The following LRP5 variants were observed in gnomAD, a reference collection of about 807,000 sequenced individuals.
LRP5 encodes low-density lipoprotein receptor-related protein 5.
Under a neutral mutation model 154.1 loss-of-function variants are expected in LRP5, and 62 were observed. The observed-to-expected ratio is 0.40, with a 90% CI of 0.33 to 0.50. LRP5 has a LOEUF of 0.50. Ranked by LOEUF, LRP5 falls within the 20% of genes least tolerant of loss-of-function variation. The pLI, the probability that LRP5 is intolerant of heterozygous loss-of-function variation, is 0.55. For synonymous variants in LRP5, 966 were observed against 1,011.5 expected (o/e 0.96, Z 0.85); for missense variants, 1,915 against 2,336.7 (o/e 0.82, Z 3.72).
At position 68,423,085 on chromosome 11, in the gene LRP5, G is replaced by A. The variant is rs1245668797; in HGVS notation, c.3028-404G>A. Among the ~76,000 whole-genome samples the A allele has an allele frequency of 6.6e-6, 1 of 152,190 alleles. No individual in the cohort carries two copies. Among genetic ancestry groups the A allele is most frequent in the Non-Finnish European group, 1.5e-5 (1 of 68,036 alleles). ...TGTTGGGAAGGGCCCCATGGTCTTG[G>A]ATCCCTTCTCGACTGTCAATGGGGC... On this transcript the variant is annotated intron_variant, in intron 13 of 22. Transcript: ENST00000294304. This position sits in a 1 kb window ranked among gnomAD's most constrained non-coding sequence, Gnocchi z 4.7.
intron 5 of LRP5, among the ~76,000 whole-genome samples, chr11:68,378,524 TCCCAC>T (rs2098638638): frequency 5.2e-4 from 1 of 1,916 alleles, no homozygotes; most frequent in African/African-American, 1.5e-3. Flanking sequence ...CTGACCCACC[TCCCAC>T]CTCCCTTAGA....
intron 5 of LRP5, among the ~76,000 whole-genome samples, chr11:68,377,733 A>G (rs1289890371): frequency 6.6e-6 from 1 of 152,148 alleles, no homozygotes; most frequent in Non-Finnish European, 1.5e-5. Flanking sequence ...CAGGCCCAGG[A>G]GGTGGCTCAA....
At chr11:68,300,443 G>A in the LRP5 span, among the ~76,000 whole-genome samples, 3 of 149,314 alleles carry the variant, frequency 2.0e-5, 1 homozygote, top group African/African-American at 7.3e-5. Context: ...ATTAAGGTGG[G>A]ACATTCTGCC....
chr11:68,425,912 C>G lies in LRP5; in HGVS notation c.3428-66C>G. ...GCAGTCCTGTCAACCTCTGTCCTCCCAAGCTGAGTGTGGGGCAAGTTCTGG... is the reference window on the plus strand; with the variant it reads ...GCAGTCCTGTCAACCTCTGTCCTCCGAAGCTGAGTGTGGGGCAAGTTCTGG... On this transcript the variant is annotated intron_variant, in intron 15 of 22. Transcript: ENST00000294304. The G allele has an allele frequency of 2.1e-6, 3 of 1,427,874 alleles. No homozygotes were observed. The South Asian group carries it at 3.4e-5, about 16-fold the overall frequency. The allele number at this position is 1,427,874 out of a possible 1,614,324, so 88.5% of individuals were successfully genotyped here. A position where few individuals can be genotyped will look rare whatever the true frequency, so the allele number is the denominator to read the frequency against.
intron 1 of LRP5, among the ~76,000 whole-genome samples, chr11:68,331,331 G>A (rs7948226): frequency 0.091 from 13,881 of 152,280 alleles, 674 homozygotes; most frequent in African/African-American, 0.11. Context: ...TCCTTTGCTT[G>A]TCTCCCAGGA....
intron 6 of LRP5, among the ~76,000 whole-genome samples, chr11:68,387,912 C>G (rs1180610536): frequency 6.6e-6 from 1 of 152,190 alleles, no homozygotes; most frequent in Non-Finnish European, 1.5e-5. Context: ...CGGGCAGCGG[C>G]GGGCAGAGGA....
At chr11:68,321,494 C>T (rs773914157) in intron 1 of LRP5, among the ~76,000 whole-genome samples, 2 of 152,042 alleles carry the variant, frequency 1.3e-5, no homozygotes, top group African/African-American at 2.4e-5. Context: ...AAATGGCCTC[C>T]GATGAGCTGG....
At chr11:68,376,638 AG>A (rs1438539910) in intron 5 of LRP5, among the ~76,000 whole-genome samples, 1 of 152,098 alleles carries the variant, frequency 6.6e-6, no homozygotes, top group Non-Finnish European at 1.5e-5. Flanking sequence ...GGCCTTGCGG[AG>A]GGGCGCAGCC....
chr11:68,421,080 A>G (rs1164429177), intron 13 of LRP5, among the ~76,000 whole-genome samples: 4 of 151,996 alleles, frequency 2.6e-5, no homozygotes, highest in African/African-American at 9.7e-5. Flanking sequence ...CCAAAAAACT[A>G]GCCAGGTGTG....
rs2153178761 is a variant in LRP5, at chr11:68,433,826, G to A, written c.3988G>A (p.Ala1330Thr). The A allele has an allele frequency of 1.2e-6, 2 of 1,612,462 alleles. No individual in the cohort carries two copies. Among genetic ancestry groups the A allele is most frequent in the Non-Finnish European group, 1.7e-6 (2 of 1,179,708 alleles). ...EADCQDRSDEADCDAICLPNQ... is the reference protein window; with the variant it reads ...EADCQDRSDETDCDAICLPNQ... ...AGACTGTCAGGACCGCTCAGACGAG[G>A]CGGACTGTGACGGTGAGGCCCTCCC... The change falls in exon 18 of 23, where the codon GCG becomes ACG. Residue 1330 changes from alanine (A) to threonine (T), a missense_variant. Physicochemically the swap from Ala to Thr is moderately conservative, Grantham distance 58. Around this residue, in one of 3 missense-constraint regions of LRP5, gnomAD observed 1,094 missense variants for 1,210.1 expected, o/e 0.90. Coordinates refer to ENST00000294304, the MANE Select transcript of LRP5 (RefSeq NM_002335.4).
intron 7 of LRP5, among the ~76,000 whole-genome samples, chr11:68,394,766 A>G (rs2153157895): frequency 6.6e-6 from 1 of 152,022 alleles, no homozygotes; most frequent in Non-Finnish European, 1.5e-5. Flanking sequence ...GCCCGGCCCG[A>G]TTTCCCACTT....
upstream of LRP5, among the ~76,000 whole-genome samples, chr11:68,308,678 G>A (rs1007185697): frequency 5.9e-5 from 9 of 152,190 alleles, no homozygotes; most frequent in African/African-American, 1.7e-4. Context: ...TCAAGGCTCC[G>A]GTTGGAGTCA....
At chr11:68,358,623 C>A (rs1482861170) in intron 3 of LRP5, among the ~76,000 whole-genome samples, 1 of 152,164 alleles carries the variant, frequency 6.6e-6, no homozygotes, top group African/African-American at 2.4e-5. Flanking sequence ...TTGGTGCATT[C>A]CCCAGTCTCA....
At chr11:68,381,372 A>G (rs2153149642) in intron 5 of LRP5, among the ~76,000 whole-genome samples, 1 of 152,242 alleles carries the variant, frequency 6.6e-6, no homozygotes, top group East Asian at 1.9e-4. Context: ...GGTCGGGGAC[A>G]GAGGTGGGCA....
intron 5 of LRP5, among the ~76,000 whole-genome samples, chr11:68,381,082 CAG>C (rs530077808): frequency 9.3e-4 from 142 of 152,280 alleles, no homozygotes; most frequent in Middle Eastern, 3.4e-3. Flanking sequence ...CACTGACACT[CAG>C]GGGTGAAGGC....
At chr11:68,448,290 T>G (rs1262373205) in intron 22 of LRP5, among the ~76,000 whole-genome samples, 2 of 152,150 alleles carry the variant, frequency 1.3e-5, no homozygotes, top group Non-Finnish European at 2.9e-5. Context: ...CAATTCAAGA[T>G]GAGATTTGGG....
intron 1 of LRP5, among the ~76,000 whole-genome samples, chr11:68,314,848 G>A (rs1346260344): frequency 3.3e-5 from 5 of 152,248 alleles, no homozygotes; most frequent in Middle Eastern, 3.2e-3. Context: ...GCAGGGCCCC[G>A]TGTGTTTAGC....
chr11:68,429,429 G>A (rs2098670724), intron 16 of LRP5, 146 bp from the exon 17 acceptor site: 1 of 908,744 alleles, frequency 1.1e-6, no homozygotes, highest in Non-Finnish European at 1.8e-6. Flanking sequence ...CTGCCAAGAG[G>A]AATAAGTGGG....
At chr11:68,316,260 A>G (rs1441062551) in intron 1 of LRP5, among the ~76,000 whole-genome samples, 1 of 152,020 alleles carries the variant, frequency 6.6e-6, no homozygotes, top group Non-Finnish European at 1.5e-5. Context: ...AGTACCACGT[A>G]TGGGTGTTTC....
Sources: gnomAD v4.1 joint callset for allele counts (sites outside exome capture counted in the v4.1 genomes callset) on GRCh38, gnomAD v4.1.1 for gene constraint, gnomAD v4.1.1 regional missense constraint, Gnocchi (gnomAD v3.1) non-coding constraint, MANE v1.5 for transcripts, NCBI Gene and HGNC (gene_info 2026-07-23, HGNC 2026-07-21) for gene names.